ADAP1: variants seen among roughly 807,000 people sequenced by gnomAD.
The protein encoded by ADAP1 is ArfGAP with dual PH domains 1, also known as arf-GAP with dual PH domain-containing protein 1.
ADAP1 carries 31 observed loss-of-function variants against 54.9 expected under a neutral mutation model. The ratio of observed to expected loss-of-function variants is 0.56; its 90% confidence interval spans 0.42 to 0.76. The LOEUF (loss-of-function observed/expected upper bound fraction) is 0.76. Among genes scored for constraint, ADAP1 ranks in the 30% least tolerant of loss-of-function variants. ADAP1 has a pLI of 0.00. For synonymous variants in ADAP1, 313 were observed against 202.6 expected, an observed-to-expected ratio of 1.55 and a Z score of -4.63; for missense variants, 535 against 512.4, an observed-to-expected ratio of 1.04 and a Z score of -0.42.
intron 4 of ADAP1, among the ~76,000 whole-genome samples, chr7:911,854 G>T (rs1313878146): frequency 6.6e-6 from 1 of 152,058 alleles, no homozygotes. Flanking sequence ...ACCCAGAGAG[G>T]GGCAATGGGG....
At position 905,326 on chromosome 7, in the gene ADAP1, A is replaced by AC. The variant is rs60197939; in HGVS notation, c.389-155_389-154insG. The AC allele has an allele frequency of 1.1e-4, 57 of 510,532 alleles. 3 individuals are homozygous for AC. The highest frequency in any genetic ancestry group is 1.1e-4 in the Admixed American group (4 of 36,734). The allele number at this position is 510,532 out of a possible 1,614,324, so 31.6% of individuals were successfully genotyped here. On this transcript the variant is annotated intron_variant, in intron 4 of 10. Transcript: ENST00000265846. ...GGGGAGACGGACGGGGAGAGGGGACATGGAGGAGACAGGGAGATAGGAAGA... is the reference window on the plus strand; with the variant it reads ...GGGGAGACGGACGGGGAGAGGGGACACTGGAGGAGACAGGGAGATAGGAAGA...
In ADAP1 at chr7:906,637, A is replaced by G. The variant is rs1442206275; in HGVS notation, c.389-1465T>C. ...AAAGGGAAAGGAGAAAGGAGAAAGG[A>G]GAAAGGGAAAGGAGAAAGGGGGCGG... On this transcript the variant is annotated intron_variant, in intron 4 of 10. Transcript: ENST00000265846. Among the ~76,000 whole-genome samples, 2 of 91,596 alleles carry G rather than the reference A, an allele frequency of 2.2e-5. 1 individual carries two copies. The highest frequency in any genetic ancestry group is 2.1e-4 in the Admixed American group (2 of 9,348). The allele number at this position is 91,596 out of a possible 152,430, so 60.1% of individuals were successfully genotyped here. A position where few individuals can be genotyped will look rare whatever the true frequency, so the allele number is the denominator to read the frequency against.
Position 938,277 on chromosome 7 carries a change from C to G in ADAP1, c.83-2772G>C, listed in dbSNP as rs772669151. Among the ~76,000 whole-genome samples the G allele has an allele frequency of 6.6e-6, 1 of 152,128 alleles. No individual in the cohort carries two copies. The highest frequency in any genetic ancestry group is 1.5e-5 in the Non-Finnish European group (1 of 68,026). ...CTCACTGCAGCCTCCAACGCCTGGGCTCAAGCGATCCTCCTGCCTCAGCCT... is the reference window on the plus strand; with the variant it reads ...CTCACTGCAGCCTCCAACGCCTGGGGTCAAGCGATCCTCCTGCCTCAGCCT... On this transcript the variant is annotated intron_variant, in intron 1 of 10. Transcript: ENST00000265846. This position sits in a 1 kb window ranked among gnomAD's most constrained non-coding sequence, Gnocchi z 4.4.
At chr7:925,607 C>G (rs1018481258) in intron 3 of ADAP1, among the ~76,000 whole-genome samples, 1 of 152,262 alleles carries the variant, frequency 6.6e-6, no homozygotes, top group African/African-American at 2.4e-5. Context: ...GGAAGACCCC[C>G]TGGTCACTGC....
intron 4 of ADAP1, among the ~76,000 whole-genome samples, chr7:907,068 G>A (rs73042499): frequency 0.014 from 2,185 of 152,184 alleles, 51 homozygotes; most frequent in Non-Finnish European, 0.018. Flanking sequence ...TCCCTCAGCC[G>A]TCCGCAGCTG....
intron 4 of ADAP1, among the ~76,000 whole-genome samples, chr7:905,782 A>AG (rs1472625587): frequency 3.3e-5 from 1 of 30,212 alleles, no homozygotes; most frequent in Non-Finnish European, 6.2e-5. Context: ...GAAAGGAGAA[A>AG]GGAGAAAGGA....
At chr7:943,218 AAGAG>A (rs1460320165) in intron 1 of ADAP1, among the ~76,000 whole-genome samples, 2 of 18,660 alleles carry the variant, frequency 1.1e-4, no homozygotes, top group African/African-American at 2.9e-4. Context: ...GAGGAGGAGG[AAGAG>A]AGAGGAGGAG....
intron 4 of ADAP1, among the ~76,000 whole-genome samples, chr7:910,101 G>A (rs930656648): frequency 2.0e-5 from 3 of 152,196 alleles, no homozygotes; most frequent in African/African-American, 7.2e-5. Context: ...GGGCGGGGAC[G>A]CCGGCCCTTC....
chr7:935,388 T>G lies in ADAP1; in HGVS notation c.200A>C (p.Glu67Ala). 1.3e-6 allele frequency: 2 copies of G among 1,556,894 alleles called. No individual in the cohort carries two copies. Among genetic ancestry groups the G allele is most frequent in the Non-Finnish European group, 1.7e-6 (2 of 1,150,076 alleles). ...VKSVRLDAWE[E>A]AQVEFMASHG... ...CCCCCTCCGTACCTCCACTTGGGCC[T>G]CCTCCCAGGCGTCCAGGCGGACGGA... Residue 67 changes from glutamate (E) to alanine (A), a missense_variant, in exon 2 of 11, where the codon GAG becomes GCG. Physicochemically the swap from Glu to Ala is moderately radical, Grantham distance 107. Transcript: ENST00000265846.
rs1846153133 is a variant in ADAP1, at chr7:920,538, C to CCGTGCCGCCCTCCACCT, written c.306-489_306-488insAGGTGGAGGGCGGCACG. ...TGCACCCCCCGTGCCGCCCTCCACC[C>CCGTGCCGCCCTCCACCT]GCCGTGCCGCCCTCCACGTGGTTCT... is the stretch of plus-strand genomic sequence containing the variant. On this transcript the variant is annotated intron_variant, in intron 3 of 10. Transcript: ENST00000265846. The surrounding 1 kb of genome is among the most constrained non-coding windows in gnomAD (Gnocchi z 4.5). Among the ~76,000 whole-genome samples, 1 of 151,668 alleles carries CCGTGCCGCCCTCCACCT rather than the reference C, an allele frequency of 6.6e-6. No homozygotes were observed. Among genetic ancestry groups the CCGTGCCGCCCTCCACCT allele is most frequent in the Non-Finnish European group, 1.5e-5 (1 of 67,890 alleles).
chr7:943,201 AGGGAGT>A (rs1847020341), intron 1 of ADAP1, among the ~76,000 whole-genome samples: 1 of 60,828 alleles, frequency 1.6e-5, no homozygotes, highest in Non-Finnish European at 3.5e-5. Context: ...AGGAGGAGGA[AGGGAGT>A]GAGGAGGAGG....
At chr7:904,038 C>T in intron 6 of ADAP1, 88 bp downstream of exon 6, 2 of 1,561,904 alleles carry the variant, frequency 1.3e-6, no homozygotes, top group South Asian at 2.3e-5. Flanking sequence ...CCCTCCCGTA[C>T]CGTCCAAGCA....
At chr7:903,101 T>A (rs1844903583) in intron 6 of ADAP1, among the ~76,000 whole-genome samples, 1 of 152,134 alleles carries the variant, frequency 6.6e-6, no homozygotes, top group Admixed American at 6.5e-5. Flanking sequence ...AGTCGCAGGC[T>A]CCTGGTGCCC....
At position 935,403 on chromosome 7, in the gene ADAP1, A is replaced by G; in HGVS notation, c.185T>C (p.Leu62Pro). Residue 62 changes from leucine to proline, a missense_variant, in exon 2 of 11, where the codon CTG becomes CCG. By Grantham distance (98) the Leu-to-Pro change is moderately conservative. Transcript: ENST00000265846. ...CACTTGGGCCTCCTCCCAGGCGTCC[A>G]GGCGGACGGACTTCACCTTGCTGAC... Reference protein sequence around the residue: ...PQVSKVKSVRLDAWEEAQVEF... With the variant: ...PQVSKVKSVRPDAWEEAQVEF... The G allele has an allele frequency of 1.3e-6, 2 of 1,558,362 alleles. No individual in the cohort carries two copies. Among genetic ancestry groups the G allele is most frequent in the Non-Finnish European group, 1.7e-6 (2 of 1,150,824 alleles).
Position 919,549 on chromosome 7 carries a change from G to A in ADAP1, c.388+419C>T, listed in dbSNP as rs1287724180. On this transcript the variant is annotated intron_variant, in intron 4 of 10. Transcript: ENST00000265846. ...GGGAGGGAGGGAAGGAGAGAGAGAG[G>A]GAGAGACAGAGATAGAGAGAGGATG... is the stretch of plus-strand genomic sequence containing the variant. 7.1e-5 allele frequency among the ~76,000 whole-genome samples: 10 copies of A among 139,992 alleles called. No homozygotes were observed. In the East Asian group the frequency reaches 1.2e-3, roughly 17 times the overall value. 91.8% of individuals were successfully genotyped at this position (139,992 alleles called of 152,430 possible).
intron 1 of ADAP1, among the ~76,000 whole-genome samples, chr7:954,138 A>G (rs1583194900): frequency 6.8e-6 from 1 of 146,286 alleles, no homozygotes. Flanking sequence ...GGGGGAGGGG[A>G]GGCGGCGGCA....
chr7:928,174 C>G (rs548442079), intron 2 of ADAP1, among the ~76,000 whole-genome samples: 2 of 151,672 alleles, frequency 1.3e-5, no homozygotes, highest in East Asian at 3.9e-4. Flanking sequence ...GGGCTATGGT[C>G]GCACCACTGA....
intron 4 of ADAP1, among the ~76,000 whole-genome samples, chr7:918,612 C>T (rs1177763993): frequency 6.6e-6 from 1 of 152,158 alleles, no homozygotes; most frequent in Non-Finnish European, 1.5e-5. Context: ...CCTCACGTGG[C>T]CATGCCCAGC....
intron 4 of ADAP1, among the ~76,000 whole-genome samples, chr7:911,099 C>T (rs551763111): frequency 6.6e-6 from 1 of 152,320 alleles, no homozygotes; most frequent in South Asian, 2.1e-4. Context: ...TGAGAACCAG[C>T]GGGCCGTATC....
Sources: allele counts gnomAD v4.1 joint callset (sites outside exome capture counted in the v4.1 genomes callset), GRCh38; gene constraint gnomAD v4.1.1; non-coding constraint Gnocchi (gnomAD v3.1); transcripts MANE v1.5; gene names NCBI Gene and HGNC (gene_info 2026-07-23, HGNC 2026-07-21).